CREBBP: variants seen among roughly 807,000 people sequenced by gnomAD.
CREBBP encodes the protein CREB-binding protein.
CREBBP carries 19 observed loss-of-function variants against 265.0 expected under a neutral mutation model. That is an observed-to-expected ratio of 0.07 (90% CI 0.05 to 0.11). The LOEUF is 0.11. Among genes scored for constraint, CREBBP ranks in the 10% least tolerant of loss-of-function variants. The pLI is 1.00. For missense variants in CREBBP, 2,525 were observed against 3,219.0 expected, an observed-to-expected ratio of 0.78 and a Z score of 5.22; for synonymous variants, 1,457 against 1,223.7, an observed-to-expected ratio of 1.19 and a Z score of -3.98.
At chr16:3,849,488 T>TGA (rs1491243458) in intron 2 of CREBBP, among the ~76,000 whole-genome samples, 4 of 125,360 alleles carry the variant, frequency 3.2e-5, no homozygotes, top group African/African-American at 1.2e-4. Flanking sequence ...TGTGTGTGTG[T>TGA]GATGTGCGTG....
chr16:3,761,526 A>C (rs1219377482), intron 16 of CREBBP: 1 of 518,722 alleles, frequency 1.9e-6, no homozygotes. Flanking sequence ...AGGCGCACCA[A>C]GAACATGCCT....
At chr16:3,745,150 C>A (rs1027239699) in intron 22 of CREBBP, 127 bp downstream of exon 22, 64 of 1,010,248 alleles carry the variant, frequency 6.3e-5, no homozygotes, top group East Asian at 2.1e-4. Context: ...AAATTTAGAA[C>A]CAACTGCCAT....
intron 26 of CREBBP, 190 bp from the exon 27 acceptor site, chr16:3,737,005 A>T: frequency 2.9e-6 from 2 of 688,178 alleles, no homozygotes; most frequent in South Asian, 3.5e-5. Context: ...CAAGCCTGCA[A>T]ATTAGCCCTG....
intron 1 of CREBBP, among the ~76,000 whole-genome samples, chr16:3,860,014 G>A (rs1430243304): frequency 6.6e-6 from 1 of 152,162 alleles, no homozygotes; most frequent in Non-Finnish European, 1.5e-5. Context: ...GCTTGCAAAT[G>A]GTGGGGGGCG....
At chr16:3,865,918 A>G (rs2055170142) in intron 1 of CREBBP, among the ~76,000 whole-genome samples, 1 of 152,154 alleles carries the variant, frequency 6.6e-6, no homozygotes, top group Non-Finnish European at 1.5e-5. Context: ...TACAGGCGTG[A>G]GCCCACCGCG....
At chr16:3,771,807 T>C (rs1238492116) in intron 13 of CREBBP, among the ~76,000 whole-genome samples, 3 of 150,404 alleles carry the variant, frequency 2.0e-5, no homozygotes, top group East Asian at 3.9e-4. Flanking sequence ...TAAAACTTTT[T>C]TTTTTTTTTT....
At chr16:3,785,398 A>G (rs2053362563) in intron 5 of CREBBP, among the ~76,000 whole-genome samples, 1 of 152,232 alleles carries the variant, frequency 6.6e-6, no homozygotes, top group African/African-American at 2.4e-5. Flanking sequence ...ACAACAGATT[A>G]TCTAATAATC....
At chr16:3,820,989 G>A (rs759020526) in intron 2 of CREBBP, among the ~76,000 whole-genome samples, 2 of 152,194 alleles carry the variant, frequency 1.3e-5, no homozygotes, top group East Asian at 1.9e-4. Context: ...AGTTAGAGAC[G>A]CTGGTTCCCC....
chr16:3,870,253 C>T (rs368706004), intron 1 of CREBBP, among the ~76,000 whole-genome samples: 3 of 152,172 alleles, frequency 2.0e-5, no homozygotes, highest in East Asian at 3.8e-4. Flanking sequence ...CAGTACAGCA[C>T]AGAGCTGAAT....
At chr16:3,733,190 G>A (rs1406126088) in intron 28 of CREBBP, among the ~76,000 whole-genome samples, 2 of 151,776 alleles carry the variant, frequency 1.3e-5, no homozygotes. Context: ...GTGAAACTCC[G>A]TCTCTACTAA....
Position 3,832,775 on chromosome 16 carries a change from A to G in CREBBP, c.798+17522T>C, listed in dbSNP as rs115881052. On this transcript the variant is annotated intron_variant, in intron 2 of 30. Transcript: ENST00000262367. ...TGTGGAAGCATAAATCCTGAACAAT[A>G]TTTTAATAAATCTGATCCAGTAACA... Among the ~76,000 whole-genome samples, 390 of 152,280 alleles carry G rather than the reference A, an allele frequency of 2.6e-3. 1 individual carries two copies. Among genetic ancestry groups the G allele is most frequent in the African/African-American group, 8.8e-3 (364 of 41,556 alleles).
chr16:3,746,404 C>G (rs1267445205), intron 21 of CREBBP, among the ~76,000 whole-genome samples: 1 of 152,232 alleles, frequency 6.6e-6, no homozygotes, highest in East Asian at 1.9e-4. Flanking sequence ...TCCTATGGCA[C>G]TCTCTGACAG....
At chr16:3,768,599 G>C (rs1156248179) in intron 15 of CREBBP, among the ~76,000 whole-genome samples, 1 of 152,218 alleles carries the variant, frequency 6.6e-6, no homozygotes, top group Non-Finnish European at 1.5e-5. Context: ...TATGAGACAG[G>C]AAGGAGCAGT....
At chr16:3,800,256 G>T (rs1225926877) in intron 3 of CREBBP, among the ~76,000 whole-genome samples, 12 of 152,164 alleles carry the variant, frequency 7.9e-5, no homozygotes, top group Admixed American at 7.9e-4. Context: ...TAGCTGAGAT[G>T]ACAAGTGTGC....
rs778915687 is a variant in CREBBP, at chr16:3,729,271, G to A, written c.5776C>T (p.Arg1926Trp). 2.6e-6 allele frequency: 4 copies of A among 1,531,266 alleles called. No homozygotes were observed. Among genetic ancestry groups the A allele is most frequent in the Non-Finnish European group, 3.5e-6 (4 of 1,143,356 alleles). 94.9% of individuals were successfully genotyped at this position (1,531,266 alleles called of 1,614,324 possible). A position where few individuals can be genotyped will look rare whatever the true frequency, so the allele number is the denominator to read the frequency against. ...GACACCGTGGTGGGGGGCTGAGTCC[G>A]GGCCACGCTGGGGAAGCCAGCTGGT... is the stretch of plus-strand genomic sequence containing the variant. Reference protein sequence around the residue: ...MSPAGFPSVARTQPPTTVSTG... With the variant: ...MSPAGFPSVAWTQPPTTVSTG... Residue 1926 changes from arginine to tryptophan, a missense_variant, in exon 31 of 31, where the codon CGG becomes TGG. Physicochemically the swap from Arg to Trp is moderately radical, Grantham distance 101 (BLOSUM62 -3). Coordinates refer to ENST00000262367, the MANE Select transcript of CREBBP (RefSeq NM_004380.3).
At chr16:3,753,967 A>T (rs2052531676) in intron 19 of CREBBP, among the ~76,000 whole-genome samples, 2 of 152,222 alleles carry the variant, frequency 1.3e-5, no homozygotes, top group South Asian at 4.1e-4. Context: ...AACATCCAGG[A>T]AACAAGAACC....
In CREBBP at chr16:3,869,780, A is replaced by G. The variant is rs149793830; in HGVS notation, c.85+10052T>C. ...GCATCCCGAGAACACAGGCATCCCC[A>G]AACAAGGAAACATCTCAATTCACCC... On this transcript the variant is annotated intron_variant, in intron 1 of 30. Transcript: ENST00000262367. Among the ~76,000 whole-genome samples, 65 of 152,270 alleles carry G rather than the reference A, an allele frequency of 4.3e-4. 2 individuals are homozygous for G. The East Asian group carries it at 0.013, about 29-fold the overall frequency.
chr16:3,846,217 G>A (rs1719359444), intron 2 of CREBBP, among the ~76,000 whole-genome samples: 1 of 152,168 alleles, frequency 6.6e-6, no homozygotes, highest in African/African-American at 2.4e-5. Context: ...TGAACAATCA[G>A]TAAAATACAA....
At chr16:3,877,745 T>C (rs1033876315) in intron 1 of CREBBP, among the ~76,000 whole-genome samples, 1 of 152,186 alleles carries the variant, frequency 6.6e-6, no homozygotes, top group African/African-American at 2.4e-5. Flanking sequence ...CCTTCCTTGG[T>C]CCCCCATACT....
Sources: allele counts gnomAD v4.1 joint callset (sites outside exome capture counted in the v4.1 genomes callset), GRCh38; gene constraint gnomAD v4.1.1; transcripts MANE v1.5; gene names NCBI Gene and HGNC (gene_info 2026-07-23, HGNC 2026-07-21).